Variants in CD200 observed in about 807,000 individuals in gnomAD.
CD200 encodes the protein OX-2 membrane glycoprotein.
Under a neutral mutation model 30.9 loss-of-function variants are expected in CD200, and 15 were observed. The ratio of observed to expected loss-of-function variants is 0.49; its 90% CI spans 0.32 to 0.75. The LOEUF is 0.75. Among genes scored for constraint, CD200 ranks in the 30% least tolerant of loss-of-function variants. CD200 has a pLI of 0.03. For synonymous variants in CD200, 134 were observed against 126.2 expected, an observed-to-expected ratio of 1.06 and a Z score of -0.41; for missense variants, 262 against 324.2, an observed-to-expected ratio of 0.81 and a Z score of 1.47.
rs772898326 is a variant in CD200 at position 112,347,701 on chromosome 3, C to T, written c.565C>T (p.Pro189Ser). Residue 189 changes from proline to serine, a missense_variant, in exon 4 of 6, where the codon CCA becomes TCA. Pro to Ser is a moderately conservative substitution (Grantham distance 74, BLOSUM62 -1). Coordinates refer to ENST00000315711, the MANE Select transcript of CD200 (RefSeq NM_005944.7). Reference protein sequence around the residue: ...IENSTVTLSHPNGTTSVTSIL... With the variant: ...IENSTVTLSHSNGTTSVTSIL... Reference sequence around the variant, plus strand: ...AAATAGTACAGTGACTCTGTCTCACCCAAATGGGACCACGTCTGTTACCAG... The same window carrying T: ...AAATAGTACAGTGACTCTGTCTCACTCAAATGGGACCACGTCTGTTACCAG... 6.2e-7 allele frequency: 1 copy of T among 1,613,994 alleles called. No individual in the cohort carries two copies. The highest frequency in any genetic ancestry group is 8.5e-7 in the Non-Finnish European group (1 of 1,179,956).
chr3:112,354,819 C>CT (rs765171321), intron 5 of CD200, among the ~76,000 whole-genome samples: 57 of 152,232 alleles, frequency 3.7e-4, no homozygotes, highest in Non-Finnish European at 6.8e-4. Flanking sequence ...GGGGAGAATC[C>CT]TTTTTTTCCC....
intron 4 of CD200, among the ~76,000 whole-genome samples, chr3:112,348,422 C>T (rs2081453417): frequency 6.6e-6 from 1 of 152,170 alleles, no homozygotes; most frequent in Non-Finnish European, 1.5e-5. Flanking sequence ...AAACTGCCTC[C>T]TATCCAAGTC....
At chr3:112,337,731 A>G (rs1443310674) in intron 1 of CD200, among the ~76,000 whole-genome samples, 3 of 152,328 alleles carry the variant, frequency 2.0e-5, no homozygotes, top group Non-Finnish European at 2.9e-5. Context: ...GTCAGACTCA[A>G]TAGAGATGAT....
chr3:112,334,098 A>C (rs920785161), intron 1 of CD200: 2 of 985,270 alleles, frequency 2.0e-6, no homozygotes, highest in East Asian at 2.3e-4. Context: ...GCTACGGTCT[A>C]CTGCAAGCTA....
At chr3:112,333,554 G>T (rs1473655284) in intron 1 of CD200, 2 of 985,308 alleles carry the variant, frequency 2.0e-6, no homozygotes, top group Non-Finnish European at 2.4e-6. Flanking sequence ...GGGCAGGCTC[G>T]GCTCGGCTCA....
At chr3:112,358,044 C>A (rs147711259) in intron 5 of CD200, among the ~76,000 whole-genome samples, 17 of 152,326 alleles carry the variant, frequency 1.1e-4, no homozygotes, top group African/African-American at 4.1e-4. Context: ...TGACACCAGA[C>A]AGGACGTCAT....
At position 112,349,788 on chromosome 3, in the gene CD200, G is replaced by GTAC. The variant is rs2081495243; in HGVS notation, c.773_775dup (p.Tyr258dup). On this transcript the variant is annotated inframe_insertion, in exon 5 of 6. Transcript: ENST00000315711. ...TTCTCGTCCTAATCTCAATCTTACTGTACTGGAAACGTCACCGGAATCAGG... is the reference window on the plus strand; with the variant it reads ...TTCTCGTCCTAATCTCAATCTTACTGTACTACTGGAAACGTCACCGGAATCAGG... 1 of 1,611,240 alleles carries GTAC rather than the reference G, an allele frequency of 6.2e-7. No homozygotes were observed. The highest frequency in any genetic ancestry group is 8.5e-7 in the Non-Finnish European group (1 of 1,178,638).
chr3:112,334,396 T>C (rs1671899587), intron 1 of CD200: 2 of 244,900 alleles, frequency 8.2e-6, no homozygotes, highest in Non-Finnish European at 1.3e-5. Context: ...CTATATGATT[T>C]GATCGATTAA....
chr3:112,347,975 CA>C, intron 4 of CD200, 145 bp downstream of exon 4: 2 of 730,460 alleles, frequency 2.7e-6, no homozygotes, highest in Non-Finnish European at 4.4e-6. Context: ...CAAAACAAAA[CA>C]AAAAAATTGA....
intron 1 of CD200, among the ~76,000 whole-genome samples, chr3:112,337,956 T>C (rs2081156054): frequency 6.6e-6 from 1 of 152,212 alleles, no homozygotes. Flanking sequence ...ATATAAATAG[T>C]TCTTATGCTG....
In CD200 at chr3:112,361,029, G is replaced by GGTT. The variant is rs1348172103; in HGVS notation, c.803-504_803-502dup. 2.6e-5 allele frequency among the ~76,000 whole-genome samples: 4 copies of GGTT among 151,930 alleles called. No individual in the cohort carries two copies. The South Asian group carries it at 8.3e-4, about 32-fold the overall frequency. On this transcript the variant is annotated intron_variant, in intron 5 of 5. Transcript: ENST00000315711. ...TTGCTTCAGTTTTGTTTTTGTTTTT[G>GGTT]GTTGTTGTTGTTTTGTTGTTTTTAG...
intron 5 of CD200, among the ~76,000 whole-genome samples, chr3:112,354,498 A>G (rs538498150): frequency 2.6e-5 from 4 of 152,348 alleles, no homozygotes; most frequent in Non-Finnish European, 5.9e-5. Context: ...AGTCACACCC[A>G]TATAATAAGC....
chr3:112,335,778 C>A (rs948386704), intron 1 of CD200: 7 of 650,954 alleles, frequency 1.1e-5, no homozygotes, highest in African/African-American at 9.1e-5. Flanking sequence ...GAAGAAGAGC[C>A]CTTTTCCAGC....
intron 3 of CD200, among the ~76,000 whole-genome samples, chr3:112,345,623 T>C (rs564535248): frequency 1.3e-5 from 2 of 152,356 alleles, no homozygotes; most frequent in Admixed American, 1.3e-4. Flanking sequence ...AGAAGGGTCC[T>C]ATCCACTCTC....
chr3:112,342,350 T>TTCC (rs2081274010), intron 2 of CD200, among the ~76,000 whole-genome samples: 2 of 12,456 alleles, frequency 1.6e-4, no homozygotes, highest in African/African-American at 5.8e-4. Context: ...TCTTTCTTTC[T>TTCC]TTCTTTCTTT....
chr3:112,357,796 A>G (rs1207424940), intron 5 of CD200, among the ~76,000 whole-genome samples: 1 of 152,238 alleles, frequency 6.6e-6, no homozygotes, highest in Non-Finnish European at 1.5e-5. Context: ...ATTTTACCAC[A>G]GGCTAAATGA....
chr3:112,334,708 C>T (rs961718143), intron 1 of CD200, among the ~76,000 whole-genome samples: 9 of 151,630 alleles, frequency 5.9e-5, no homozygotes, highest in South Asian at 2.1e-4. Flanking sequence ...CTGTTGTTTT[C>T]AGATTGGTCG....
At chr3:112,344,693 G>T (rs146133970) in intron 2 of CD200, among the ~76,000 whole-genome samples, 2 of 152,114 alleles carry the variant, frequency 1.3e-5, no homozygotes, top group South Asian at 4.1e-4. Context: ...TACCTACTTC[G>T]CAGCTTACAC....
chr3:112,342,422 T>C (rs1352503928), intron 2 of CD200, among the ~76,000 whole-genome samples: 1 of 90,000 alleles, frequency 1.1e-5, no homozygotes, highest in Non-Finnish European at 2.3e-5. Flanking sequence ...TCTTTCTTTC[T>C]TTCTTTCTTC....
Sources: allele counts gnomAD v4.1 joint callset (sites outside exome capture counted in the v4.1 genomes callset), GRCh38; gene constraint gnomAD v4.1.1; transcripts MANE v1.5; gene names NCBI Gene and HGNC (gene_info 2026-07-23, HGNC 2026-07-21).